PDSS2: variants seen among roughly 807,000 people sequenced by gnomAD.
PDSS2 encodes the protein decaprenyl diphosphate synthase subunit 2.
A neutral mutation model predicts 44.5 loss-of-function variants in PDSS2; 31 were observed. The ratio of observed to expected loss-of-function variants is 0.70; its 90% CI spans 0.52 to 0.94. PDSS2 has a LOEUF of 0.94. PDSS2 is among the 40% of genes least tolerant of loss of function. PDSS2 has a pLI of 0.00. For missense variants in PDSS2, 452 were observed against 482.2 expected (o/e 0.94, Z 0.59); for synonymous variants, 157 against 180.3 (o/e 0.87, Z 1.03).
At chr6:107,376,753 C>T (rs1481021181) in intron 1 of PDSS2, among the ~76,000 whole-genome samples, 3 of 151,974 alleles carry the variant, frequency 2.0e-5, no homozygotes, top group African/African-American at 7.3e-5. Context: ...CCTTTATTTC[C>T]TTCTCCTGCC....
At chr6:107,302,475 C>T (rs1199415327) in intron 2 of PDSS2, among the ~76,000 whole-genome samples, 5 of 151,824 alleles carry the variant, frequency 3.3e-5, no homozygotes, top group Admixed American at 1.3e-4. Flanking sequence ...ACTATGTTGC[C>T]GAGGCTGGTT....
chr6:107,315,713 C>T (rs924811995), intron 2 of PDSS2, among the ~76,000 whole-genome samples: 4 of 152,072 alleles, frequency 2.6e-5, no homozygotes, highest in Admixed American at 2.6e-4. Context: ...AATTGCTGTC[C>T]CAGAAGAAAA....
chr6:107,226,469 A>T (rs958348166), intron 4 of PDSS2, among the ~76,000 whole-genome samples: 1 of 152,146 alleles, frequency 6.6e-6, no homozygotes, highest in Non-Finnish European at 1.5e-5. Flanking sequence ...GGAAACATAA[A>T]TAAGGGGTAA....
At chr6:107,420,782 A>T (rs1413720954) in intron 1 of PDSS2, among the ~76,000 whole-genome samples, 1 of 152,076 alleles carries the variant, frequency 6.6e-6, no homozygotes, top group Non-Finnish European at 1.5e-5. Context: ...TAGGGCTAGG[A>T]AAAGAGTTCT....
At position 107,155,209 on chromosome 6, in the gene PDSS2, G is replaced by A. The variant is rs534667218; in HGVS notation, c.1042-432C>T. 6.1e-5 allele frequency among the ~76,000 whole-genome samples: 9 copies of A among 148,160 alleles called. No individual in the cohort carries two copies. The South Asian group carries it at 1.5e-3, about 25-fold the overall frequency. On this transcript the variant is annotated intron_variant, in intron 7 of 7. Coordinates refer to ENST00000369037, the MANE Select transcript of PDSS2 (RefSeq NM_020381.4). ...CGCCCAGGATGGAGTGCAGTGGTGC[G>A]ATCTCGGCTCACTGCAACCTCCGCC...
At chr6:107,272,666 C>G (rs2114936625) in intron 3 of PDSS2, among the ~76,000 whole-genome samples, 1 of 152,242 alleles carries the variant, frequency 6.6e-6, no homozygotes. Flanking sequence ...TTCCAGAAAG[C>G]AGATTGGCAA....
At chr6:107,197,858 AT>A (rs1253979278) in intron 6 of PDSS2, 1 of 470,620 alleles carries the variant, frequency 2.1e-6, no homozygotes, top group Admixed American at 2.4e-5. Context: ...TGAAAGTAGC[AT>A]TTGTTGAAAG....
chr6:107,322,748 G>A (rs1310630323), intron 2 of PDSS2, among the ~76,000 whole-genome samples: 3 of 152,044 alleles, frequency 2.0e-5, no homozygotes, highest in Admixed American at 6.6e-5. Flanking sequence ...ATTTGAGCCC[G>A]GGACATTGAG....
intron 1 of PDSS2, among the ~76,000 whole-genome samples, chr6:107,355,870 C>T (rs1038124875): frequency 1.2e-4 from 19 of 152,208 alleles, no homozygotes; most frequent in Non-Finnish European, 2.4e-4. Context: ...ACACCCTTCA[C>T]GTGTGATTCT....
chr6:107,344,713 G>A (rs1778186986), intron 1 of PDSS2, among the ~76,000 whole-genome samples: 1 of 152,124 alleles, frequency 6.6e-6, no homozygotes, highest in Non-Finnish European at 1.5e-5. Flanking sequence ...AATCAAGCCA[G>A]GAACTTTTCA....
In PDSS2 at chr6:107,154,325, A is replaced by C. The variant is rs1554245094; in HGVS notation, c.*294T>G. 5.2e-6 allele frequency: 2 copies of C among 386,534 alleles called. No individual in the cohort carries two copies. The highest frequency in any genetic ancestry group is 9.8e-6 in the Non-Finnish European group (2 of 203,710). The allele number at this position is 386,534 out of a possible 1,614,324, so 23.9% of individuals were successfully genotyped here. On this transcript the variant is annotated 3_prime_UTR_variant, in exon 8 of 8. Transcript: ENST00000369037. ...CCCTGGCTCGGTCCAATCAATAAGG[A>C]CTTATTTCCTGTCCATTTGCTGAGG...
intron 1 of PDSS2, among the ~76,000 whole-genome samples, chr6:107,334,875 C>T (rs896087734): frequency 6.6e-5 from 10 of 151,966 alleles, no homozygotes; most frequent in South Asian, 2.1e-4. Flanking sequence ...GCGACAATCT[C>T]GCTGGTGGCA....
At chr6:107,289,240 G>T (rs1329321610) in intron 2 of PDSS2, among the ~76,000 whole-genome samples, 1 of 151,672 alleles carries the variant, frequency 6.6e-6, no homozygotes, top group African/African-American at 2.4e-5. Context: ...GGGCATGGTA[G>T]CAGGCACCTG....
intron 2 of PDSS2, among the ~76,000 whole-genome samples, chr6:107,326,317 C>T (rs1777545096): frequency 6.6e-6 from 1 of 151,386 alleles, no homozygotes; most frequent in African/African-American, 2.4e-5. Flanking sequence ...GCCATGTTGG[C>T]CAGGCTGGTC....
chr6:107,242,719 A>G (rs1410637507), intron 4 of PDSS2, among the ~76,000 whole-genome samples: 1 of 152,000 alleles, frequency 6.6e-6, no homozygotes, highest in African/African-American at 2.4e-5. Context: ...TTTTGTAAAG[A>G]TGGGGTCTTC....
chr6:107,277,557 A>G (rs918759543), intron 2 of PDSS2, among the ~76,000 whole-genome samples: 3 of 152,204 alleles, frequency 2.0e-5, no homozygotes, highest in Non-Finnish European at 4.4e-5. Flanking sequence ...GTATGTAGGG[A>G]AAGTAGGGAT....
At chr6:107,398,376 T>C (rs565439721) in intron 1 of PDSS2, among the ~76,000 whole-genome samples, 2 of 152,334 alleles carry the variant, frequency 1.3e-5, no homozygotes, top group African/African-American at 4.8e-5. Context: ...CCAAAAAATG[T>C]TTATTAATGT....
chr6:107,166,057 G>A (rs1268281288), intron 7 of PDSS2, among the ~76,000 whole-genome samples: 6 of 151,916 alleles, frequency 3.9e-5, no homozygotes, highest in African/African-American at 9.7e-5. Flanking sequence ...AGCTTAAGGA[G>A]ATTTTGGGCT....
rs1426762499 is a variant in PDSS2, at chr6:107,459,178, G to T, written c.108C>A (p.Gly36=). Residue 36 remains glycine, a synonymous_variant, in exon 1 of 8, where the codon GGC becomes GGA. Coordinates refer to ENST00000369037, the MANE Select transcript of PDSS2 (RefSeq NM_020381.4). This position sits in a 1 kb window ranked among gnomAD's most constrained non-coding sequence, Gnocchi z 4.3. ...SPSLDTISSV[G]SWRGRSSKSP... is the part of the protein sequence containing the mutation. ...ACTTGGAGGACCGACCACGCCAAGA[G>T]CCCACCGAGGAGATGGTGTCGAGGG... The T allele has an allele frequency of 1.9e-6, 3 of 1,614,120 alleles. No homozygotes were observed. The highest frequency in any genetic ancestry group is 2.5e-6 in the Non-Finnish European group (3 of 1,180,012).
Sources: allele counts gnomAD v4.1 joint callset (sites outside exome capture counted in the v4.1 genomes callset), GRCh38; gene constraint gnomAD v4.1.1; non-coding constraint Gnocchi (gnomAD v3.1); transcripts MANE v1.5; gene names NCBI Gene and HGNC (gene_info 2026-07-23, HGNC 2026-07-21).